OSBPL3: variants seen among roughly 807,000 people sequenced by gnomAD.
OSBPL3 encodes oxysterol binding protein like 3.
OSBPL3 carries 65 observed loss-of-function variants against 120.1 expected under a neutral mutation model. The ratio of observed to expected loss-of-function variants is 0.54; its 90% confidence interval spans 0.44 to 0.67. The LOEUF is 0.67. OSBPL3 is among the 30% of genes least tolerant of loss of function. OSBPL3 has a pLI of 0.00. For synonymous variants in OSBPL3, 416 were observed against 402.6 expected, an observed-to-expected ratio of 1.03 and a Z score of -0.40; for missense variants, 1,004 against 1,082.1, an observed-to-expected ratio of 0.93 and a Z score of 1.01.
intron 16 of OSBPL3, among the ~76,000 whole-genome samples, chr7:24,825,489 A>C (rs906474956): frequency 6.6e-6 from 1 of 152,242 alleles, no homozygotes; most frequent in Admixed American, 6.5e-5. Flanking sequence ...AAATTAAAAA[A>C]CAAAAACACA....
rs1812924039 is a variant in OSBPL3, at chr7:24,940,273, A to C, written c.-150+39613T>G. Among the ~76,000 whole-genome samples the C allele has an allele frequency of 6.6e-6, 1 of 152,212 alleles. No homozygotes were observed. The highest frequency in any genetic ancestry group is 2.1e-4 in the South Asian group (1 of 4,832). ...TAAGAAAGCCAATAAGCAGAGTGGT[A>C]AACTGAGTACAAAGACAGAAGAAGT... On this transcript the variant is annotated intron_variant, in intron 1 of 22. Transcript: ENST00000313367. This position sits in a 1 kb window ranked among gnomAD's most constrained non-coding sequence, Gnocchi z 4.4.
At position 24,912,144 on chromosome 7, in the gene OSBPL3, T is replaced by G. The variant is rs189064445; in HGVS notation, c.-149-19523A>C. 4.7e-4 allele frequency among the ~76,000 whole-genome samples: 72 copies of G among 152,368 alleles called. 1 individual carries two copies. Among genetic ancestry groups the G allele is most frequent in the Middle Eastern group, 6.8e-3 (2 of 294 alleles). ...ACACTAGCTACTAGAAGGTTTTTAC[T>G]AAATTTTATCTCCGAAGTAAGAAAA... On this transcript the variant is annotated intron_variant, in intron 1 of 22. Coordinates refer to ENST00000313367, the MANE Select transcript of OSBPL3 (RefSeq NM_015550.4). This position sits in a 1 kb window ranked among gnomAD's most constrained non-coding sequence, Gnocchi z 4.5.
chr7:24,881,542 T>C lies in OSBPL3; in HGVS notation c.97-9473A>G, dbSNP rs1431118361. 6.6e-6 allele frequency among the ~76,000 whole-genome samples: 1 copy of C among 152,156 alleles called. No individual in the cohort carries two copies. The highest frequency in any genetic ancestry group is 2.4e-5 in the African/African-American group (1 of 41,420). ...AAGGGATACCACAAGGTTGAAAATTTGTAAATTGTCAAATGGGAGATTCAC... is the reference window on the plus strand; with the variant it reads ...AAGGGATACCACAAGGTTGAAAATTCGTAAATTGTCAAATGGGAGATTCAC... On this transcript the variant is annotated intron_variant, in intron 2 of 22. Coordinates refer to ENST00000313367, the MANE Select transcript of OSBPL3 (RefSeq NM_015550.4). The surrounding 1 kb of genome is among the most constrained non-coding windows in gnomAD (Gnocchi z 4.3).
At chr7:24,943,176 C>T (rs1813295640) in intron 1 of OSBPL3, among the ~76,000 whole-genome samples, 1 of 152,150 alleles carries the variant, frequency 6.6e-6, no homozygotes, top group African/African-American at 2.4e-5. Context: ...CCCAGGGGTT[C>T]GTGAATTCAC....
rs1812737633 is a variant in OSBPL3 at position 24,938,807 on chromosome 7, G to GTGTGTC, written c.-150+41078_-150+41079insGACACA. On this transcript the variant is annotated intron_variant, in intron 1 of 22. Transcript: ENST00000313367. The surrounding 1 kb of genome is among the most constrained non-coding windows in gnomAD (Gnocchi z 5.8). The stretch of plus-strand genomic sequence containing the variant: ...TGTGTGTGTGTGTGTGTGTGTGTGT[G>GTGTGTC]TGTGTGTGTGTGTGTGTGTGTGTGT... Among the ~76,000 whole-genome samples, 1 of 150,776 alleles carries GTGTGTC rather than the reference G, an allele frequency of 6.6e-6. No homozygotes were observed. Among genetic ancestry groups the GTGTGTC allele is most frequent in the Non-Finnish European group, 1.5e-5 (1 of 67,652 alleles).
chr7:24,881,083 G>T lies in OSBPL3; in HGVS notation c.97-9014C>A, dbSNP rs554960628. Reference sequence around the variant, plus strand: ...CTGGACAGCACCAGCTGAGAACAGTGCTCTCTCTTACAGAGTGCTCAAAAC... The same window carrying T: ...CTGGACAGCACCAGCTGAGAACAGTTCTCTCTCTTACAGAGTGCTCAAAAC... On this transcript the variant is annotated intron_variant, in intron 2 of 22. Transcript: ENST00000313367. This position sits in a 1 kb window ranked among gnomAD's most constrained non-coding sequence, Gnocchi z 4.3. Among the ~76,000 whole-genome samples, 6 of 152,292 alleles carry T rather than the reference G, an allele frequency of 3.9e-5. No homozygotes were observed. Among genetic ancestry groups the T allele is most frequent in the African/African-American group, 1.4e-4 (6 of 41,552 alleles).
rs1210264940 is a variant in OSBPL3, at chr7:24,797,551, G to A, written c.*2632C>T. 7 of 152,074 alleles carry A rather than the reference G, an allele frequency of 4.6e-5. No individual in the cohort carries two copies. Among genetic ancestry groups the A allele is most frequent in the Admixed American group, 2.6e-4 (4 of 15,270 alleles). The allele number at this position is 152,074 out of a possible 1,614,324, so 9.4% of individuals were successfully genotyped here. On this transcript the variant is annotated 3_prime_UTR_variant, in exon 23 of 23. Coordinates refer to ENST00000313367, the MANE Select transcript of OSBPL3 (RefSeq NM_015550.4). The surrounding 1 kb of genome is among the most constrained non-coding windows in gnomAD (Gnocchi z 4.8). ...TGGGGTGCTTTGGGGCCTGGGGAGG[G>A]AAGTGACTGGCTCTCCTGCTACACT...
At chr7:24,895,113 G>C (rs1244711166) in intron 1 of OSBPL3, among the ~76,000 whole-genome samples, 5 of 152,142 alleles carry the variant, frequency 3.3e-5, no homozygotes, top group African/African-American at 1.2e-4. Flanking sequence ...TTCCTGCCTA[G>C]CCTCATCAGG....
At position 24,918,588 on chromosome 7, in the gene OSBPL3, A is replaced by G. The variant is rs948091712; in HGVS notation, c.-149-25967T>C. ...AACATATGTACAAGCAATTAACTTT[A>G]TATTTACCCAAGCAAATAAGAAAAT... is the stretch of plus-strand genomic sequence containing the variant. On this transcript the variant is annotated intron_variant, in intron 1 of 22. Coordinates refer to ENST00000313367, the MANE Select transcript of OSBPL3 (RefSeq NM_015550.4). This position sits in a 1 kb window ranked among gnomAD's most constrained non-coding sequence, Gnocchi z 4.3. 1.3e-5 allele frequency among the ~76,000 whole-genome samples: 2 copies of G among 152,220 alleles called. No homozygotes were observed. Among genetic ancestry groups the G allele is most frequent in the Non-Finnish European group, 2.9e-5 (2 of 68,032 alleles).
chr7:24,843,835 A>G (rs1306106340), intron 12 of OSBPL3, among the ~76,000 whole-genome samples: 1 of 152,234 alleles, frequency 6.6e-6, no homozygotes, highest in Non-Finnish European at 1.5e-5. Flanking sequence ...GCATAAAGCT[A>G]TTGAGCTTGA....
At position 24,820,256 on chromosome 7, in the gene OSBPL3, C is replaced by G. The variant is rs1342833329; in HGVS notation, c.1885-18G>C. ...TGGCTGACCTGATGGAAACAAAGGACAGAAAAACAAAAAATGAATGAACTT... is the reference window on the plus strand; with the variant it reads ...TGGCTGACCTGATGGAAACAAAGGAGAGAAAAACAAAAAATGAATGAACTT... On this transcript the variant is annotated intron_variant, in intron 16 of 22. Coordinates refer to ENST00000313367, the MANE Select transcript of OSBPL3 (RefSeq NM_015550.4). The surrounding 1 kb of genome is among the most constrained non-coding windows in gnomAD (Gnocchi z 4.6). 6.3e-7 allele frequency: 1 copy of G among 1,592,380 alleles called. No homozygotes were observed. The highest frequency in any genetic ancestry group is 1.7e-5 in the Admixed American group (1 of 59,612).
Position 24,939,952 on chromosome 7 carries a change from A to G in OSBPL3, c.-150+39934T>C, listed in dbSNP as rs1331515724. 6.6e-6 allele frequency among the ~76,000 whole-genome samples: 1 copy of G among 152,222 alleles called. No homozygotes were observed. The highest frequency in any genetic ancestry group is 1.5e-5 in the Non-Finnish European group (1 of 68,038). On this transcript the variant is annotated intron_variant, in intron 1 of 22. Transcript: ENST00000313367. The surrounding 1 kb of genome is among the most constrained non-coding windows in gnomAD (Gnocchi z 4.2). ...AAATCACCATGGCACATGTATACCT[A>G]TGTAACAAACCTGCATGTTCTGCAC...
chr7:24,875,478 T>C (rs763313189), intron 2 of OSBPL3, among the ~76,000 whole-genome samples: 13 of 152,200 alleles, frequency 8.5e-5, no homozygotes, highest in East Asian at 1.9e-4. Context: ...CCACATTCTT[T>C]GAATTTTCCT....
In OSBPL3 at chr7:24,922,221, A is replaced by C. The variant is rs1810474487; in HGVS notation, c.-149-29600T>G. 6.6e-6 allele frequency among the ~76,000 whole-genome samples: 1 copy of C among 152,238 alleles called. No homozygotes were observed. The highest frequency in any genetic ancestry group is 1.5e-5 in the Non-Finnish European group (1 of 68,042). ...CAGAAAATAGAAGGTTAACAAATAC[A>C]AACTACAAGCACTGTACTATCTGGA... On this transcript the variant is annotated intron_variant, in intron 1 of 22. Transcript: ENST00000313367. The surrounding 1 kb of genome is among the most constrained non-coding windows in gnomAD (Gnocchi z 4.3).
chr7:24,902,161 A>T (rs945026140), intron 1 of OSBPL3, among the ~76,000 whole-genome samples: 2 of 152,260 alleles, frequency 1.3e-5, no homozygotes, highest in Non-Finnish European at 2.9e-5. Flanking sequence ...AAGACCATTT[A>T]GAAGGCAATC....
In OSBPL3 at chr7:24,922,978, A is replaced by G. The variant is rs1302419765; in HGVS notation, c.-149-30357T>C. On this transcript the variant is annotated intron_variant, in intron 1 of 22. Transcript: ENST00000313367. The surrounding 1 kb of genome is among the most constrained non-coding windows in gnomAD (Gnocchi z 4.3). The stretch of plus-strand genomic sequence containing the variant: ...AAAAGGAAAAGAATAAGAAAAAGAA[A>G]AAAACATATAAACATGACCATCAGA... Among the ~76,000 whole-genome samples the G allele has an allele frequency of 1.3e-5, 2 of 152,258 alleles. No individual in the cohort carries two copies. Among genetic ancestry groups the G allele is most frequent in the Non-Finnish European group, 2.9e-5 (2 of 68,052 alleles).
rs1486789366 is a variant in OSBPL3 at position 24,980,069 on chromosome 7, C to T, written c.-333G>A. On this transcript the variant is annotated 5_prime_UTR_variant, in exon 1 of 23. Coordinates refer to ENST00000313367, the MANE Select transcript of OSBPL3 (RefSeq NM_015550.4). ...GCCACTTGCAGACAGACTGCGGGGCCGGAGCCGCGCTGCGCACCGGCCGCG... is the reference window on the plus strand; with the variant it reads ...GCCACTTGCAGACAGACTGCGGGGCTGGAGCCGCGCTGCGCACCGGCCGCG... 3 of 984,748 alleles carry T rather than the reference C, an allele frequency of 3.0e-6. No homozygotes were observed. Among genetic ancestry groups the T allele is most frequent in the Admixed American group, 1.2e-4 (2 of 16,264 alleles). The allele number at this position is 984,748 out of a possible 1,614,324, so 61.0% of individuals were successfully genotyped here.
In OSBPL3 at chr7:24,881,011, G is replaced by A. The variant is rs1803604213; in HGVS notation, c.97-8942C>T. ...GCACTCAGATATAATACTCTTGTATGCCAACTACAGGGCATTCATGACTCT... is the reference window on the plus strand; with the variant it reads ...GCACTCAGATATAATACTCTTGTATACCAACTACAGGGCATTCATGACTCT... On this transcript the variant is annotated intron_variant, in intron 2 of 22. Coordinates refer to ENST00000313367, the MANE Select transcript of OSBPL3 (RefSeq NM_015550.4). This position sits in a 1 kb window ranked among gnomAD's most constrained non-coding sequence, Gnocchi z 4.3. Among the ~76,000 whole-genome samples the A allele has an allele frequency of 6.6e-6, 1 of 152,190 alleles. No homozygotes were observed. The highest frequency in any genetic ancestry group is 6.5e-5 in the Admixed American group (1 of 15,284).
chr7:24,800,228 T>A lies in OSBPL3; in HGVS notation c.2619A>T (p.Arg873Ser), dbSNP rs1460259619. The A allele has an allele frequency of 6.2e-7, 1 of 1,612,638 alleles. No individual in the cohort carries two copies. The highest frequency in any genetic ancestry group is 1.7e-5 in the Admixed American group (1 of 60,010). Reference sequence around the variant, plus strand: ...CCAGTTTGGAAAAACCAAGATCTTTTCTAAGTTCCAAATAGGTGCCGTTGC... The same window carrying A: ...CCAGTTTGGAAAAACCAAGATCTTTACTAAGTTCCAAATAGGTGCCGTTGC... ...WVSNGTYLELRKDLGFSKLDH... is the reference protein window; with the variant it reads ...WVSNGTYLELSKDLGFSKLDH... The change falls in exon 23 of 23, where the codon AGA becomes AGT. Residue 873 changes from arginine (R) to serine (S), a missense_variant. Arg to Ser is a moderately radical substitution (Grantham distance 110). Coordinates refer to ENST00000313367, the MANE Select transcript of OSBPL3 (RefSeq NM_015550.4).
Sources: gnomAD v4.1 joint callset for allele counts (sites outside exome capture counted in the v4.1 genomes callset) on GRCh38, gnomAD v4.1.1 for gene constraint, Gnocchi (gnomAD v3.1) non-coding constraint, MANE v1.5 for transcripts, NCBI Gene and HGNC (gene_info 2026-07-23, HGNC 2026-07-21) for gene names.